Variants in SEMA3D observed in about 807,000 individuals in gnomAD.
SEMA3D encodes the protein semaphorin-3D.
A neutral mutation model predicts 100.1 loss-of-function variants in SEMA3D; 84 were observed. That is an observed-to-expected ratio of 0.84 (90% CI 0.70 to 1.01). The LOEUF is 1.01. Ranked by LOEUF, SEMA3D falls within the 50% of genes least tolerant of loss-of-function variation. SEMA3D has a pLI of 0.00. For missense variants in SEMA3D, 875 were observed against 934.1 expected, an observed-to-expected ratio of 0.94 and a Z score of 0.82; for synonymous variants, 312 against 320.7, an observed-to-expected ratio of 0.97 and a Z score of 0.29.
chr7:85,144,465 T>C (rs1246363021), intron 2 of SEMA3D: 6 of 979,780 alleles, frequency 6.1e-6, no homozygotes, highest in Non-Finnish European at 7.3e-6. Context: ...AGGTAGAAAA[T>C]ATATTTTATG....
chr7:85,196,500 CAATT>C, the SEMA3D span, among the ~76,000 whole-genome samples: 6 of 151,826 alleles, frequency 4.0e-5, no homozygotes, highest in African/African-American at 9.7e-5. Flanking sequence ...TCAAAAGAAA[CAATT>C]AAGAAAGTAA....
chr7:85,214,915 G>A, the SEMA3D span, among the ~76,000 whole-genome samples: 1 of 151,938 alleles, frequency 6.6e-6, no homozygotes, highest in South Asian at 2.1e-4. Context: ...GTTCTTTTTG[G>A]CCTCTTCATA....
chr7:85,198,695 C>A, the SEMA3D span, among the ~76,000 whole-genome samples: 3 of 151,000 alleles, frequency 2.0e-5, no homozygotes, highest in Admixed American at 1.3e-4. Flanking sequence ...TTTATGTTTT[C>A]TTTCTTTTAT....
intron 12 of SEMA3D, among the ~76,000 whole-genome samples, chr7:85,033,666 G>C (rs1297247834): frequency 1.3e-5 from 2 of 151,876 alleles, no homozygotes; most frequent in Non-Finnish European, 2.9e-5. Context: ...CTAGATAATT[G>C]AAAAATAATA....
intron 2 of SEMA3D, chr7:85,144,305 A>C (rs1790137605): frequency 4.2e-6 from 1 of 238,924 alleles, no homozygotes; most frequent in African/African-American, 2.3e-5. Context: ...AAGTTGTTTC[A>C]AACAAATGTA....
intron 3 of SEMA3D, among the ~76,000 whole-genome samples, chr7:85,117,289 A>G (rs920209429): frequency 6.6e-6 from 1 of 152,162 alleles, no homozygotes; most frequent in Non-Finnish European, 1.5e-5. Context: ...TTACAACTCC[A>G]TTAAAGAGTA....
chr7:85,217,633 A>C, the SEMA3D span, among the ~76,000 whole-genome samples: 1 of 152,034 alleles, frequency 6.6e-6, no homozygotes, highest in Admixed American at 6.6e-5. Context: ...TTTTGTTGTC[A>C]TGTTTCTTTG....
At chr7:85,202,052 A>C in the SEMA3D span, among the ~76,000 whole-genome samples, 5 of 151,076 alleles carry the variant, frequency 3.3e-5, no homozygotes, top group Non-Finnish European at 5.9e-5. Context: ...TTATTTATTT[A>C]TTATTATTAT....
intron 5 of SEMA3D, among the ~76,000 whole-genome samples, chr7:85,078,356 C>T (rs148103772): frequency 9.3e-4 from 140 of 151,224 alleles, no homozygotes; most frequent in Non-Finnish European, 1.7e-3. Flanking sequence ...AGGAAGGGAA[C>T]GGAAGGAAGG....
intron 1 of SEMA3D, among the ~76,000 whole-genome samples, chr7:85,177,618 G>A (rs1394876976): frequency 1.3e-5 from 2 of 151,990 alleles, no homozygotes; most frequent in East Asian, 1.9e-4. Context: ...TTATAGAGAT[G>A]ACTAATAAAT....
chr7:85,157,604 A>G (rs564727233), intron 1 of SEMA3D: 2 of 911,174 alleles, frequency 2.2e-6, no homozygotes, highest in Non-Finnish European at 2.6e-6. Context: ...TGTATTTTGC[A>G]AGGCTTATAA....
intron 11 of SEMA3D, among the ~76,000 whole-genome samples, chr7:85,040,142 A>ATT (rs199757282): frequency 6.7e-6 from 1 of 150,074 alleles, no homozygotes; most frequent in African/African-American, 2.5e-5. Context: ...ATGCCCAGCT[A>ATT]TTTTTTTATT....
intron 9 of SEMA3D, among the ~76,000 whole-genome samples, chr7:85,047,640 A>G (rs999391781): frequency 6.6e-6 from 1 of 151,878 alleles, no homozygotes; most frequent in African/African-American, 2.4e-5. Flanking sequence ...TTGTAAAATC[A>G]GTTTACTCTC....
chr7:85,118,046 AC>A (rs1209094525), intron 3 of SEMA3D, among the ~76,000 whole-genome samples: 3 of 152,040 alleles, frequency 2.0e-5, no homozygotes, highest in Non-Finnish European at 4.4e-5. Context: ...TTATAAATTG[AC>A]ATGTAAAAAC....
chr7:85,118,062 G>GTAAAT (rs1434581332), intron 3 of SEMA3D, among the ~76,000 whole-genome samples: 1 of 151,858 alleles, frequency 6.6e-6, no homozygotes, highest in East Asian at 1.9e-4. Context: ...AAAAACTCAG[G>GTAAAT]TGTTCTTTTT....
chr7:85,184,598 C>T (rs1050189632), intron 1 of SEMA3D, among the ~76,000 whole-genome samples: 2 of 152,002 alleles, frequency 1.3e-5, no homozygotes, highest in Non-Finnish European at 2.9e-5. Flanking sequence ...ACCTGAAACA[C>T]AATAGGTGTT....
At chr7:85,008,523 A>G (rs1017045558) in intron 17 of SEMA3D, among the ~76,000 whole-genome samples, 6 of 151,834 alleles carry the variant, frequency 4.0e-5, no homozygotes, top group African/African-American at 1.4e-4. Flanking sequence ...TATTATATAC[A>G]CATACACACA....
At chr7:85,178,093 C>A (rs1791289420) in intron 1 of SEMA3D, among the ~76,000 whole-genome samples, 1 of 152,118 alleles carries the variant, frequency 6.6e-6, no homozygotes, top group Non-Finnish European at 1.5e-5. Context: ...GTTTGCTTCC[C>A]CTTCTGCCAT....
At chr7:85,220,871 C>T in the SEMA3D span, among the ~76,000 whole-genome samples, 1 of 152,086 alleles carries the variant, frequency 6.6e-6, no homozygotes, top group Non-Finnish European at 1.5e-5. Flanking sequence ...AGGGGCCTGG[C>T]CTGGGCCCAA....
Sources: allele counts gnomAD v4.1 joint callset (sites outside exome capture counted in the v4.1 genomes callset), GRCh38; gene constraint gnomAD v4.1.1; transcripts MANE v1.5; gene names NCBI Gene and HGNC (gene_info 2026-07-23, HGNC 2026-07-21).